The following MAL2 variants were observed in gnomAD, a reference collection of about 807,000 sequenced individuals.
The protein encoded by MAL2 is protein MAL2.
Under a neutral mutation model 18.1 loss-of-function variants are expected in MAL2, and 17 were observed. The ratio of observed to expected loss-of-function variants is 0.94; its 90% CI spans 0.64 to 1.41. The LOEUF is 1.41. Among genes scored for constraint, MAL2 ranks in the 40% most tolerant of loss-of-function variants. The pLI is 0.00. For synonymous variants in MAL2, 102 were observed against 102.3 expected, an observed-to-expected ratio of 1.00 and a Z score of 0.02; for missense variants, 222 against 231.9, an observed-to-expected ratio of 0.96 and a Z score of 0.28.
Position 119,208,718 on chromosome 8 carries a change from T to G in MAL2, c.132+114T>G. 8.3e-7 allele frequency: 1 copy of G among 1,210,884 alleles called. No individual in the cohort carries two copies. The highest frequency in any genetic ancestry group is 1.0e-6 in the Non-Finnish European group (1 of 973,804). 75.0% of individuals were successfully genotyped at this position (1,210,884 alleles called of 1,614,324 possible). ...GCCCCCGGCCTCCTTCCCTTCGACG[T>G]GGCTTTGTCCTGCGCTCCCTCCCGG... On this transcript the variant is annotated intron_variant, in intron 1 of 3. Coordinates refer to ENST00000614891, the MANE Select transcript of MAL2 (RefSeq NM_052886.3). This position sits in a 1 kb window ranked among gnomAD's most constrained non-coding sequence, Gnocchi z 4.3.
chr8:119,222,007 CAA>C (rs1229408083), intron 2 of MAL2, among the ~76,000 whole-genome samples: 3 of 152,102 alleles, frequency 2.0e-5, no homozygotes, highest in Admixed American at 6.6e-5. Context: ...AACTCTTACT[CAA>C]AAACTGTTTC....
rs1228055810 is a variant in MAL2, at chr8:119,243,569, C to T, written c.*81C>T. The T allele has an allele frequency of 9.3e-6, 12 of 1,286,322 alleles. No homozygotes were observed. Among genetic ancestry groups the T allele is most frequent in the Middle Eastern group, 1.9e-4 (1 of 5,264 alleles). The allele number at this position is 1,286,322 out of a possible 1,614,324, so 79.7% of individuals were successfully genotyped here. A position where few individuals can be genotyped will look rare whatever the true frequency, so the allele number is the denominator to read the frequency against. ...TGATCAATTTGGATACCATTTTGTC[C>T]AGATGCAAAAACATTCCAAAAGTAA... On this transcript the variant is annotated 3_prime_UTR_variant, in exon 4 of 4. Coordinates refer to ENST00000614891, the MANE Select transcript of MAL2 (RefSeq NM_052886.3).
chr8:119,229,141 G>A (rs1449516778), intron 2 of MAL2, among the ~76,000 whole-genome samples: 4 of 152,126 alleles, frequency 2.6e-5, no homozygotes, highest in African/African-American at 9.7e-5. Context: ...ATTCTAAAGT[G>A]ATGCTTCTGG....
At chr8:119,226,129 G>T (rs1164320275) in intron 2 of MAL2, among the ~76,000 whole-genome samples, 6 of 152,108 alleles carry the variant, frequency 3.9e-5, no homozygotes, top group African/African-American at 7.2e-5. Flanking sequence ...CTGTGCAGAA[G>T]CTTTTTAGTT....
chr8:119,235,281 C>T (rs1172309521), intron 2 of MAL2, among the ~76,000 whole-genome samples: 2 of 152,052 alleles, frequency 1.3e-5, no homozygotes, highest in African/African-American at 4.8e-5. Flanking sequence ...GCAAAGCCTC[C>T]AAGAAATATG....
Position 119,240,151 on chromosome 8 carries a change from C to G in MAL2, c.304-14C>G. ...TTTTTTTTAATTGCAGATGTCTTTT[C>G]TCTCCTCTTTTAGGATTTTGCCTAC... is the stretch of plus-strand genomic sequence containing the variant. On this transcript the variant is annotated splice_polypyrimidine_tract_variant and intron_variant, in intron 2 of 3. Coordinates refer to ENST00000614891, the MANE Select transcript of MAL2 (RefSeq NM_052886.3). 1 of 1,609,978 alleles carries G rather than the reference C, an allele frequency of 6.2e-7. No individual in the cohort carries two copies. The highest frequency in any genetic ancestry group is 8.5e-7 in the Non-Finnish European group (1 of 1,177,862).
intron 2 of MAL2, among the ~76,000 whole-genome samples, chr8:119,235,012 A>T (rs1029213648): frequency 6.6e-6 from 1 of 151,906 alleles, no homozygotes; most frequent in Non-Finnish European, 1.5e-5. Flanking sequence ...AATTACTCTG[A>T]GCTACAGGAG....
chr8:119,233,883 T>G (rs1817797916), intron 2 of MAL2, among the ~76,000 whole-genome samples: 1 of 152,046 alleles, frequency 6.6e-6, no homozygotes, highest in Admixed American at 6.5e-5. Flanking sequence ...AAAAAGAGAA[T>G]TTTAGACCAA....
intron 2 of MAL2, among the ~76,000 whole-genome samples, chr8:119,236,730 T>C (rs1251394886): frequency 6.2e-4 from 93 of 150,554 alleles, no homozygotes; most frequent in African/African-American, 1.8e-3. Context: ...AATAAAGATG[T>C]TCTTTGAAAC....
At chr8:119,240,443 ATAGC>A (rs1818025036) in intron 3 of MAL2, 123 bp downstream of exon 3, 2 of 979,272 alleles carry the variant, frequency 2.0e-6, no homozygotes, top group Non-Finnish European at 3.0e-6. Flanking sequence ...TAAATATGTA[ATAGC>A]TATTTATCTG....
intron 1 of MAL2, among the ~76,000 whole-genome samples, chr8:119,210,695 A>C (rs1337401866): frequency 6.6e-6 from 1 of 152,200 alleles, no homozygotes; most frequent in East Asian, 1.9e-4. Context: ...GACTCACAGA[A>C]GTGTCCAATC....
chr8:119,208,506 CCG>C lies in MAL2; in HGVS notation c.35_36del (p.Pro12GlnfsTer83). On this transcript the variant is annotated frameshift_variant, in exon 1 of 4. Coordinates refer to ENST00000614891, the MANE Select transcript of MAL2 (RefSeq NM_052886.3). LOFTEE classifies it high-confidence loss of function. This position sits in a 1 kb window ranked among gnomAD's most constrained non-coding sequence, Gnocchi z 4.3. ...CGGCGGAGCGTCAGTCCCGCCGCCCCCGAACCCCGCCGTGTCCTTCCCGCCGC... is the reference window on the plus strand; with the variant it reads ...CGGCGGAGCGTCAGTCCCGCCGCCCCAACCCCGCCGTGTCCTTCCCGCCGC... ...SAGGASVPPPPNPAVSFPPPR... is the reference protein window; with the variant it reads ...SAGGASVPPPXNPAVSFPPPR... 1 of 1,334,226 alleles carries C rather than the reference CCG, an allele frequency of 7.5e-7. No homozygotes were observed. The highest frequency in any genetic ancestry group is 2.1e-5 in the South Asian group (1 of 48,772). The allele number at this position is 1,334,226 out of a possible 1,614,324, so 82.6% of individuals were successfully genotyped here.
At chr8:119,236,595 T>C (rs1817902361) in intron 2 of MAL2, among the ~76,000 whole-genome samples, 1 of 151,864 alleles carries the variant, frequency 6.6e-6, no homozygotes, top group Admixed American at 6.6e-5. Context: ...ACAAACTCTC[T>C]CAGACCACAG....
At chr8:119,227,179 TTA>T (rs1817613946) in intron 2 of MAL2, among the ~76,000 whole-genome samples, 1 of 152,008 alleles carries the variant, frequency 6.6e-6, no homozygotes, top group South Asian at 2.1e-4. Flanking sequence ...TTAATTAATG[TTA>T]TGTTAGTAGC....
chr8:119,231,962 T>G (rs1817739667), intron 2 of MAL2, among the ~76,000 whole-genome samples: 1 of 152,100 alleles, frequency 6.6e-6, no homozygotes, highest in Non-Finnish European at 1.5e-5. Context: ...GAATTTCAGT[T>G]AGGAGAAATG....
At chr8:119,234,765 AAACT>A (rs543829417) in intron 2 of MAL2, among the ~76,000 whole-genome samples, 187 of 151,848 alleles carry the variant, frequency 1.2e-3, no homozygotes, top group African/African-American at 4.3e-3. Context: ...GTTAGAAGGA[AAACT>A]AACAAACAGA....
rs561928545 is a variant in MAL2, at chr8:119,228,775, T to C, written c.303+7018T>C. On this transcript the variant is annotated intron_variant, in intron 2 of 3. Transcript: ENST00000614891. ...CCTCGATGCCCTAGGTAATTAATTG[T>C]ATTTTAGTGAGAATAACCATTATGG... 2.0e-5 allele frequency among the ~76,000 whole-genome samples: 3 copies of C among 152,318 alleles called. No homozygotes were observed. The South Asian group carries it at 6.2e-4, about 32-fold the overall frequency.
intron 2 of MAL2, among the ~76,000 whole-genome samples, chr8:119,229,300 T>C (rs1817660071): frequency 7.2e-6 from 1 of 138,388 alleles, no homozygotes; most frequent in South Asian, 2.4e-4. Flanking sequence ...ATGTATATTC[T>C]CACTGTGGGC....
intron 2 of MAL2, among the ~76,000 whole-genome samples, chr8:119,222,352 C>T (rs1415215257): frequency 6.6e-6 from 1 of 151,356 alleles, no homozygotes; most frequent in African/African-American, 2.4e-5. Context: ...AACATGGTGA[C>T]ACCCCGTCTC....
Sources: gnomAD v4.1 joint callset for allele counts (sites outside exome capture counted in the v4.1 genomes callset) on GRCh38, gnomAD v4.1.1 for gene constraint, Gnocchi (gnomAD v3.1) non-coding constraint, MANE v1.5 for transcripts, NCBI Gene and HGNC (gene_info 2026-07-23, HGNC 2026-07-21) for gene names.